Variants in ASAH2 observed in about 807,000 individuals in gnomAD.
ASAH2 encodes the protein neutral ceramidase.
In ASAH2, 58 loss-of-function variants were observed where a neutral mutation model predicts 82.9. That is an observed-to-expected ratio of 0.70 (90% CI 0.57 to 0.87). ASAH2 has a LOEUF of 0.87. Among genes scored for constraint, ASAH2 ranks in the 40% least tolerant of loss-of-function variants. The pLI is 0.00. For missense variants in ASAH2, 779 were observed against 834.0 expected (o/e 0.93, Z 0.81); for synonymous variants, 276 against 289.7 (o/e 0.95, Z 0.48).
At chr10:50,205,815 T>G (rs1214177211) in intron 13 of ASAH2, among the ~76,000 whole-genome samples, 167 bp downstream of exon 13, 4 of 152,086 alleles carry the variant, frequency 2.6e-5, no homozygotes, top group African/African-American at 9.6e-5. Context: ...GCCATAACCT[T>G]CATTCCTTAG....
At chr10:50,233,473 A>T (rs1462749998) in intron 6 of ASAH2, among the ~76,000 whole-genome samples, 1 of 152,140 alleles carries the variant, frequency 6.6e-6, no homozygotes, top group East Asian at 1.9e-4. Flanking sequence ...GACTAGGTCA[A>T]GCGACTGGAG....
chr10:50,220,497 GC>G (rs1845712244), intron 7 of ASAH2, among the ~76,000 whole-genome samples: 1 of 151,908 alleles, frequency 6.6e-6, no homozygotes, highest in East Asian at 1.9e-4. Flanking sequence ...GGAGCTGGAG[GC>G]TCCATTTGTT....
chr10:50,227,814 T>C (rs1488336511), intron 7 of ASAH2, among the ~76,000 whole-genome samples: 2 of 152,160 alleles, frequency 1.3e-5, no homozygotes, highest in Non-Finnish European at 2.9e-5. Context: ...ACAGTCACCA[T>C]CTTGGTCATC....
At chr10:50,217,171 C>T (rs1352544006) in intron 8 of ASAH2, among the ~76,000 whole-genome samples, 1 of 151,920 alleles carries the variant, frequency 6.6e-6, no homozygotes, top group Non-Finnish European at 1.5e-5. Flanking sequence ...GTTTTTCTCT[C>T]TTGCTTCCTC....
rs745396 is a variant in ASAH2 at position 50,211,626 on chromosome 10, G to A, written c.1228-492C>T. 2.6e-5 allele frequency among the ~76,000 whole-genome samples: 4 copies of A among 152,044 alleles called. No homozygotes were observed. The South Asian group carries it at 6.2e-4, about 24-fold the overall frequency. The stretch of plus-strand genomic sequence containing the variant: ...TTCGCCCACCCACAATCCACTCTTC[G>A]GTGCTTTTGCTTTTGTGTTTTAATA... On this transcript the variant is annotated intron_variant, in intron 10 of 20. Transcript: ENST00000682911.
At chr10:50,203,804 C>G in intron 14 of ASAH2, 125 bp from the exon 15 acceptor site, 2 of 791,648 alleles carry the variant, frequency 2.5e-6, no homozygotes, top group South Asian at 3.0e-5. Context: ...TATGTAGGAA[C>G]CCAATGACTA....
intron 1 of ASAH2, among the ~76,000 whole-genome samples, chr10:50,249,880 A>G (rs1846570781): frequency 6.6e-6 from 1 of 152,134 alleles, no homozygotes; most frequent in South Asian, 2.1e-4. Context: ...TGGTATTGGA[A>G]TCCCAGGATT....
At chr10:50,240,997 A>G (rs1490223294) in intron 4 of ASAH2, among the ~76,000 whole-genome samples, 1 of 152,224 alleles carries the variant, frequency 6.6e-6, no homozygotes, top group Non-Finnish European at 1.5e-5. Flanking sequence ...TGGGTCATAC[A>G]ATGCACTGTA....
chr10:50,201,832 A>G (rs1845156700), intron 16 of ASAH2, among the ~76,000 whole-genome samples: 1 of 152,176 alleles, frequency 6.6e-6, no homozygotes, highest in African/African-American at 2.4e-5. Flanking sequence ...TTGAATAACA[A>G]GATATATCTG....
chr10:50,215,896 G>T (rs1176426863), intron 8 of ASAH2, among the ~76,000 whole-genome samples: 2 of 152,078 alleles, frequency 1.3e-5, no homozygotes, highest in East Asian at 3.9e-4. Context: ...CAATAGCAAA[G>T]ACCTGGAACC....
rs961484236 is a variant in ASAH2, at chr10:50,213,158, C to T, written c.1141-100G>A. 3.6e-4 allele frequency: 395 copies of T among 1,084,664 alleles called. 3 individuals are homozygous for T. In the South Asian group the frequency reaches 3.9e-3, roughly 11 times the overall value. The allele number at this position is 1,084,664 out of a possible 1,614,324, so 67.2% of individuals were successfully genotyped here. On this transcript the variant is annotated intron_variant, in intron 9 of 20. Coordinates refer to ENST00000682911, the MANE Select transcript of ASAH2 (RefSeq NM_019893.4). ...ATCTAAGCAAATAGATTTTTAAAAC[C>T]ACATTCTTGCATTTCTTTTCAGGTA... is the stretch of plus-strand genomic sequence containing the variant.
intron 10 of ASAH2, among the ~76,000 whole-genome samples, chr10:50,212,074 T>C (rs965767867): frequency 6.6e-5 from 10 of 152,142 alleles, no homozygotes; most frequent in African/African-American, 1.9e-4. Flanking sequence ...CTGCAGCGAT[T>C]AGGCTGGCTG....
chr10:50,247,200 T>C, intron 2 of ASAH2, among the ~76,000 whole-genome samples: 1 of 152,054 alleles, frequency 6.6e-6, no homozygotes, highest in East Asian at 1.9e-4. Flanking sequence ...TCACCCAGAC[T>C]GGAGTGCAGT....
At chr10:50,248,415 G>A (rs1335245352) in intron 2 of ASAH2, 69 bp downstream of exon 2, 10 of 1,557,904 alleles carry the variant, frequency 6.4e-6, no homozygotes, top group African/African-American at 1.4e-5. Flanking sequence ...TTTCTCTTTG[G>A]TGTCCACAGT....
chr10:50,233,122 C>T (rs1846059206), intron 7 of ASAH2, 62 bp downstream of exon 7: 1 of 1,211,332 alleles, frequency 8.3e-7, no homozygotes, highest in Non-Finnish European at 1.2e-6. Context: ...AGTCTCTTTT[C>T]CCTTCTCTTT....
At chr10:50,241,710 T>TA (rs982033500) in intron 4 of ASAH2, among the ~76,000 whole-genome samples, 5 of 151,990 alleles carry the variant, frequency 3.3e-5, no homozygotes, top group Admixed American at 6.6e-5. Flanking sequence ...TATACAGCCA[T>TA]AAAAAAGGGT....
In ASAH2 at chr10:50,243,331, G is replaced by T; in HGVS notation, c.381C>A (p.Gly127=). The change falls in exon 4 of 21, where the codon GGC becomes GGA. Residue 127 remains glycine, a synonymous_variant. Coordinates refer to ENST00000682911, the MANE Select transcript of ASAH2 (RefSeq NM_019893.4). ...TGGTGAGGATGCCCTGTGCATTCTG[G>T]CCGGATTTGCCATAGCCCATCTAAA... The part of the protein sequence containing the change: ...DINLMGYGKS[G]QNAQGILTRL... 1 of 1,614,010 alleles carries T rather than the reference G, an allele frequency of 6.2e-7. No individual in the cohort carries two copies. Among genetic ancestry groups the T allele is most frequent in the Non-Finnish European group, 8.5e-7 (1 of 1,179,944 alleles).
chr10:50,234,292 G>A (rs1564847387), intron 6 of ASAH2, 133 bp downstream of exon 6: 1 of 1,289,280 alleles, frequency 7.8e-7, no homozygotes, highest in Non-Finnish European at 1.1e-6. Flanking sequence ...TTACACAGAT[G>A]TTTTTAAGAT....
At position 50,233,238 on chromosome 10, in the gene ASAH2, T is replaced by A; in HGVS notation, c.839A>T (p.Glu280Val). The change falls in exon 7 of 21, where the codon GAA becomes GTA. Residue 280 changes from glutamate (E) to valine (V), a missense_variant. This residue lies in a region of ASAH2 where 759 missense variants were observed against 755.2 expected (regional missense o/e 1.00). Coordinates refer to ENST00000682911, the MANE Select transcript of ASAH2 (RefSeq NM_019893.4). The stretch of plus-strand genomic sequence containing the variant: ...ATCTACCATTTTCAAAACTATCATT[T>A]CCTTGTCTGTATTTGAAGAATACCT... ...RARYSSNTDK[E>V]MIVLKMVDLN... The A allele has an allele frequency of 1.9e-6, 3 of 1,611,730 alleles. No homozygotes were observed. Among genetic ancestry groups the A allele is most frequent in the Non-Finnish European group, 2.5e-6 (3 of 1,178,058 alleles).
Sources: gnomAD v4.1 joint callset for allele counts (sites outside exome capture counted in the v4.1 genomes callset) on GRCh38, gnomAD v4.1.1 for gene constraint, gnomAD v4.1.1 regional missense constraint, MANE v1.5 for transcripts, NCBI Gene and HGNC (gene_info 2026-07-23, HGNC 2026-07-21) for gene names.